The following HIF1A variants were observed in gnomAD, a reference collection of about 807,000 sequenced individuals.
HIF1A encodes hypoxia-inducible factor 1-alpha.
A neutral mutation model predicts 92.7 loss-of-function variants in HIF1A; 24 were observed. The observed-to-expected ratio is 0.26, with a 90% CI of 0.19 to 0.36. The LOEUF (loss-of-function observed/expected upper bound fraction) is 0.36. Among genes scored for constraint, HIF1A ranks in the 10% least tolerant of loss-of-function variants. The pLI is 1.00. For synonymous variants in HIF1A, 319 were observed against 338.7 expected (o/e 0.94, Z 0.64); for missense variants, 799 against 998.5 (o/e 0.80, Z 2.69).
rs1484810272 is a variant in HIF1A at position 61,717,531 on chromosome 14, C to T, written c.36-2851C>T. 2.6e-5 allele frequency among the ~76,000 whole-genome samples: 4 copies of T among 151,994 alleles called. No individual in the cohort carries two copies. In the East Asian group the frequency reaches 7.7e-4, roughly 29 times the overall value. ...GTTTTCTTGAAGGCTGGTTTTCTTC[C>T]AAAATTCAGTCTTATTTTCAGTCTA... On this transcript the variant is annotated intron_variant, in intron 1 of 14. Coordinates refer to ENST00000337138, the MANE Select transcript of HIF1A (RefSeq NM_001530.4).
At chr14:61,745,990 G>A (rs566285403) in intron 14 of HIF1A, among the ~76,000 whole-genome samples, 173 bp downstream of exon 14, 189 of 152,234 alleles carry the variant, frequency 1.2e-3, no homozygotes, top group African/African-American at 4.2e-3. Context: ...TTGGGAGGCC[G>A]AGGCAGCCAG....
chr14:61,741,039 TAAAG>T lies in HIF1A; in HGVS notation c.1948_1951del (p.Glu650LeufsTer27). Reference sequence around the variant, plus strand: ...CATCTCCATCTCCTACCCACATACATAAAGAAACTACTAGTGCCACATCATCACC... The same window carrying T: ...CATCTCCATCTCCTACCCACATACATAAACTACTAGTGCCACATCATCACC... On this transcript the variant is annotated frameshift_variant, in exon 12 of 15. Transcript: ENST00000337138. LOFTEE classifies it high-confidence loss of function. 1 of 1,614,036 alleles carries T rather than the reference TAAAG, an allele frequency of 6.2e-7. No homozygotes were observed. Among genetic ancestry groups the T allele is most frequent in the Non-Finnish European group, 8.5e-7 (1 of 1,179,954 alleles).
chr14:61,726,649 A>G, intron 4 of HIF1A, 57 bp from the exon 5 acceptor site: 2 of 1,096,852 alleles, frequency 1.8e-6, no homozygotes, highest in Non-Finnish European at 2.7e-6. Flanking sequence ...TGTTACTTTT[A>G]TTGTAACAAA....
Position 61,741,012 on chromosome 14 carries a change from T to G in HIF1A, c.1917T>G (p.Ile639Met), listed in dbSNP as rs757881795. The G allele has an allele frequency of 1.9e-6, 3 of 1,614,114 alleles. No homozygotes were observed. In the South Asian group the frequency reaches 3.3e-5, roughly 18 times the overall value. The change falls in exon 12 of 15, where the codon ATT becomes ATG. Residue 639 changes from isoleucine (I) to methionine (M), a missense_variant. Around this residue, in one of 2 missense-constraint regions of HIF1A, gnomAD observed 283 missense variants for 277.5 expected, o/e 1.02. Transcript: ENST00000337138. The stretch of plus-strand genomic sequence containing the variant: ...GTATGGAAGACATTAAAATATTGAT[T>G]GCATCTCCATCTCCTACCCACATAC... ...KDRMEDIKILIASPSPTHIHK... is the reference protein window; with the variant it reads ...KDRMEDIKILMASPSPTHIHK...
At chr14:61,704,248 CTTCT>C (rs1419794315) in intron 1 of HIF1A, among the ~76,000 whole-genome samples, 1 of 152,114 alleles carries the variant, frequency 6.6e-6, no homozygotes, top group Non-Finnish European at 1.5e-5. Flanking sequence ...TCGCTCAAGC[CTTCT>C]TTGTGATAAT....
intron 1 of HIF1A, among the ~76,000 whole-genome samples, chr14:61,719,786 G>A (rs553281022): frequency 2.6e-4 from 40 of 152,248 alleles, no homozygotes; most frequent in Admixed American, 1.8e-3. Context: ...TAGATAAGGG[G>A]CTGCTAAGGG....
At chr14:61,721,463 TA>T in intron 2 of HIF1A, 45 bp from the exon 3 acceptor site, 1 of 1,505,748 alleles carries the variant, frequency 6.6e-7, no homozygotes, top group Non-Finnish European at 9.2e-7. Flanking sequence ...ATCATTTAAG[TA>T]CAACTTTTTA....
At chr14:61,726,665 A>G (rs763755100) in intron 4 of HIF1A, 41 bp from the exon 5 acceptor site, 7 of 1,246,028 alleles carry the variant, frequency 5.6e-6, no homozygotes, top group African/African-American at 4.5e-5. Context: ...ACAAATTTGT[A>G]TATTTAGTTG....
intron 14 of HIF1A, among the ~76,000 whole-genome samples, chr14:61,746,575 T>C (rs1052630339): frequency 1.3e-5 from 2 of 152,052 alleles, no homozygotes; most frequent in East Asian, 3.9e-4. Flanking sequence ...GGTTGCTTTT[T>C]GTAGAGATGG....
At chr14:61,697,909 G>A in intron 1 of HIF1A, 1 of 1,524,202 alleles carries the variant, frequency 6.6e-7, no homozygotes, top group Non-Finnish European at 8.8e-7. Flanking sequence ...GAAGGTCTAG[G>A]AAACTCAAAA....
intron 7 of HIF1A, among the ~76,000 whole-genome samples, chr14:61,732,880 G>GA (rs1430666506): frequency 6.6e-6 from 1 of 152,196 alleles, no homozygotes; most frequent in Non-Finnish European, 1.5e-5. Context: ...CAATGAATGT[G>GA]AAGGTGGTGA....
intron 1 of HIF1A, among the ~76,000 whole-genome samples, chr14:61,718,087 T>C (rs1192162526): frequency 1.3e-5 from 2 of 152,002 alleles, no homozygotes; most frequent in African/African-American, 4.8e-5. Flanking sequence ...GTGTTTCATT[T>C]GGGTAGTCAT....
chr14:61,730,452 C>T (rs1221339862), intron 6 of HIF1A, among the ~76,000 whole-genome samples: 2 of 152,106 alleles, frequency 1.3e-5, no homozygotes, highest in Non-Finnish European at 2.9e-5. Flanking sequence ...AATCTGATCC[C>T]CCTACCTACT....
chr14:61,734,648 A>G (rs1479533189), intron 8 of HIF1A, among the ~76,000 whole-genome samples: 2 of 152,230 alleles, frequency 1.3e-5, no homozygotes, highest in Non-Finnish European at 1.5e-5. Context: ...GATTTGTATC[A>G]TAGCTCTACC....
chr14:61,715,072 A>G (rs971060903), intron 1 of HIF1A, among the ~76,000 whole-genome samples: 1 of 152,168 alleles, frequency 6.6e-6, no homozygotes, highest in Non-Finnish European at 1.5e-5. Flanking sequence ...TGCTAGACAA[A>G]TGTTGAGCAA....
chr14:61,748,064 C>G lies in HIF1A; in HGVS notation c.*979C>G, dbSNP rs186481938. ...TTATGCACTTTGTCGCTATTAACAT[C>G]CTTTTTTTCATGTAGATTTCAATAA... On this transcript the variant is annotated 3_prime_UTR_variant, in exon 15 of 15. Transcript: ENST00000337138. The G allele has an allele frequency of 1.3e-5, 2 of 152,418 alleles. No individual in the cohort carries two copies. Among genetic ancestry groups the G allele is most frequent in the African/African-American group, 2.4e-5 (1 of 41,402 alleles). 9.4% of individuals were successfully genotyped at this position (152,418 alleles called of 1,614,324 possible).
chr14:61,697,610 C>G (rs1732687690), intron 1 of HIF1A: 2 of 1,018,216 alleles, frequency 2.0e-6, no homozygotes, highest in Non-Finnish European at 2.4e-6. Flanking sequence ...CTGTTACTTT[C>G]AAAATTTTCT....
At chr14:61,722,645 C>G (rs1025391666) in intron 4 of HIF1A, among the ~76,000 whole-genome samples, 2 of 152,110 alleles carry the variant, frequency 1.3e-5, no homozygotes, top group Non-Finnish European at 2.9e-5. Context: ...GAGTCTAAGG[C>G]CCAATAAAAA....
Position 61,744,714 on chromosome 14 carries a change from TC to T in HIF1A, c.2105del (p.Pro702LeufsTer5). On this transcript the variant is annotated frameshift_variant, in exon 13 of 15. Transcript: ENST00000337138. LOFTEE classifies it high-confidence loss of function. ...ATTTTTTTCTTTTCAGAACTACAGT[TC>T]CTGAGGAAGAACTAAATCCAAAGAT... ...SVALSQRTTV[P>X]EEELNPKILA... is the part of the protein sequence containing the mutation. The T allele has an allele frequency of 6.6e-7, 1 of 1,524,722 alleles. No individual in the cohort carries two copies. The highest frequency in any genetic ancestry group is 9.0e-7 in the Non-Finnish European group (1 of 1,110,244). 94.4% of individuals were successfully genotyped at this position (1,524,722 alleles called of 1,614,324 possible). A position where few individuals can be genotyped will look rare whatever the true frequency, so the allele number is the denominator to read the frequency against.
Sources: allele counts gnomAD v4.1 joint callset (sites outside exome capture counted in the v4.1 genomes callset), GRCh38; gene constraint gnomAD v4.1.1; regional missense constraint gnomAD v4.1.1; transcripts MANE v1.5; gene names NCBI Gene and HGNC (gene_info 2026-07-23, HGNC 2026-07-21).